The following RBFOX1 variants were observed in gnomAD, a reference collection of about 807,000 sequenced individuals.
RBFOX1 encodes RNA binding fox-1 homolog 1.
A neutral mutation model predicts 57.7 loss-of-function variants in RBFOX1; 8 were observed. That is an observed-to-expected ratio of 0.14 (90% CI 0.08 to 0.25). RBFOX1 has a LOEUF of 0.25. Among genes scored for constraint, RBFOX1 ranks in the 10% least tolerant of loss-of-function variants. The probability of loss-of-function intolerance (pLI) is 1.00; values close to 1 mark genes in which losing one functional copy is unlikely to be tolerated. For missense variants in RBFOX1, 611 were observed against 548.5 expected, an observed-to-expected ratio of 1.11 and a Z score of -1.14; for synonymous variants, 326 against 222.4, an observed-to-expected ratio of 1.47 and a Z score of -4.15.
chr16:5,948,396 C>T (rs1164175234), intron 4 of RBFOX1, among the ~76,000 whole-genome samples: 1 of 152,170 alleles, frequency 6.6e-6, no homozygotes, highest in Admixed American at 6.5e-5. Flanking sequence ...ATTTCTCAGG[C>T]CCACCATAGA....
chr16:5,931,903 G>C (rs1015382818), intron 4 of RBFOX1, among the ~76,000 whole-genome samples: 2 of 152,142 alleles, frequency 1.3e-5, no homozygotes, highest in African/African-American at 4.8e-5. Context: ...GACCTCCTGG[G>C]CTCGAGCATT....
At chr16:5,698,395 C>T (rs1382967980) in intron 3 of RBFOX1, among the ~76,000 whole-genome samples, 3 of 152,036 alleles carry the variant, frequency 2.0e-5, no homozygotes, top group African/African-American at 7.2e-5. Context: ...TTGATCATTA[C>T]TTCTATTTTA....
At chr16:5,987,798 A>G (rs914347610) in intron 4 of RBFOX1, among the ~76,000 whole-genome samples, 2 of 152,150 alleles carry the variant, frequency 1.3e-5, no homozygotes, top group Admixed American at 1.3e-4. Context: ...CAACAGCACC[A>G]TTTACTGAAA....
chr16:6,912,648 C>G (rs961712101), intron 3 of RBFOX1, among the ~76,000 whole-genome samples: 5 of 149,286 alleles, frequency 3.3e-5, no homozygotes, highest in East Asian at 3.9e-4. Flanking sequence ...CAAGGTCTCA[C>G]TGTGTCATCC....
intron 4 of RBFOX1, among the ~76,000 whole-genome samples, chr16:7,253,250 C>T (rs1244809354): frequency 6.6e-6 from 1 of 152,302 alleles, no homozygotes; most frequent in South Asian, 2.1e-4. Flanking sequence ...AGGTATTCTC[C>T]TGGGGGTCAA....
intron 4 of RBFOX1, among the ~76,000 whole-genome samples, chr16:7,230,177 CTTT>C (rs199821368): frequency 4.1e-5 from 6 of 147,056 alleles, no homozygotes; most frequent in Middle Eastern, 3.5e-3. Context: ...ACTCATTTCA[CTTT>C]TTTTTTTAAT....
At chr16:5,977,600 A>T (rs935573457) in intron 4 of RBFOX1, among the ~76,000 whole-genome samples, 1 of 152,188 alleles carries the variant, frequency 6.6e-6, no homozygotes, top group African/African-American at 2.4e-5. Flanking sequence ...TTCTGGGAAC[A>T]ACTGCAAGGC....
At chr16:6,457,006 A>G (rs758686453) in intron 2 of RBFOX1, among the ~76,000 whole-genome samples, 3 of 152,212 alleles carry the variant, frequency 2.0e-5, no homozygotes, top group Non-Finnish European at 2.9e-5. Flanking sequence ...GCAGCTGAGT[A>G]TAAGAATCTC....
At chr16:5,322,291 C>G (rs1207190489) in intron 1 of RBFOX1, among the ~76,000 whole-genome samples, 1 of 152,176 alleles carries the variant, frequency 6.6e-6, no homozygotes, top group Non-Finnish European at 1.5e-5. Flanking sequence ...ATTTCTCAGA[C>G]TGCCTCTCAG....
intron 2 of RBFOX1, among the ~76,000 whole-genome samples, chr16:5,567,619 G>A (rs73526334): frequency 0.06 from 5,820 of 96,730 alleles, 458 homozygotes; most frequent in African/African-American, 0.2. Context: ...TAGTGGGGGG[G>A]TATTCAGGTT....
chr16:7,463,731 C>A (rs34451442), intron 4 of RBFOX1, among the ~76,000 whole-genome samples: 1 of 151,918 alleles, frequency 6.6e-6, no homozygotes, highest in Non-Finnish European at 1.5e-5. Flanking sequence ...TTTGGGGGGC[C>A]GTTCTGCCTA....
chr16:6,603,647 T>A lies in RBFOX1; in HGVS notation c.-63-50956T>A, dbSNP rs2097885142. ...AGCCGCTATGTGCAGCTGGGGGTTA[T>A]GCACCACTAGGCTGACTGTAGTGTG... On this transcript the variant is annotated intron_variant, in intron 2 of 15. Coordinates refer to ENST00000550418, the MANE Select transcript of RBFOX1 (RefSeq NM_018723.4). Among the ~76,000 whole-genome samples the A allele has an allele frequency of 2.6e-5, 4 of 152,276 alleles. No homozygotes were observed. The South Asian group carries it at 8.3e-4, about 32-fold the overall frequency.
At chr16:7,337,186 C>T (rs752047773) in intron 4 of RBFOX1, among the ~76,000 whole-genome samples, 1 of 152,112 alleles carries the variant, frequency 6.6e-6, no homozygotes, top group Non-Finnish European at 1.5e-5. Context: ...AGTGGTATAG[C>T]TGGGATTTGG....
intron 3 of RBFOX1, among the ~76,000 whole-genome samples, chr16:6,701,178 C>G (rs2061790279): frequency 6.6e-6 from 1 of 151,496 alleles, no homozygotes; most frequent in African/African-American, 2.4e-5. Flanking sequence ...GCTGAAATGG[C>G]TGGGACTTTA....
At chr16:5,370,572 A>G (rs2065833004) in intron 1 of RBFOX1, among the ~76,000 whole-genome samples, 1 of 151,392 alleles carries the variant, frequency 6.6e-6, no homozygotes, top group Non-Finnish European at 1.5e-5. Context: ...AGCTCAGCGT[A>G]GCCTCTAATT....
chr16:7,036,202 A>T (rs1186911233), intron 3 of RBFOX1, among the ~76,000 whole-genome samples: 23 of 145,882 alleles, frequency 1.6e-4, no homozygotes, highest in South Asian at 1.3e-3. Flanking sequence ...TCACCTTGAC[A>T]TTTTTTTTTT....
chr16:5,641,127 C>T (rs1010384293), intron 3 of RBFOX1, among the ~76,000 whole-genome samples: 1 of 151,294 alleles, frequency 6.6e-6, no homozygotes, highest in Non-Finnish European at 1.5e-5. Context: ...CATGCATACA[C>T]ACATGCACAC....
At chr16:7,468,170 G>A (rs764123400) in intron 4 of RBFOX1, among the ~76,000 whole-genome samples, 1 of 152,184 alleles carries the variant, frequency 6.6e-6, no homozygotes, top group East Asian at 1.9e-4. Context: ...CAGTAAAGTT[G>A]CTTGGTACAC....
chr16:5,446,071 C>G (rs1382341852), intron 1 of RBFOX1, among the ~76,000 whole-genome samples: 1 of 152,172 alleles, frequency 6.6e-6, no homozygotes, highest in Non-Finnish European at 1.5e-5. Context: ...GCAAGACCCA[C>G]TTGGAGATGT....
Sources: gnomAD v4.1 joint callset for allele counts (sites outside exome capture counted in the v4.1 genomes callset) on GRCh38, gnomAD v4.1.1 for gene constraint, MANE v1.5 for transcripts, NCBI Gene and HGNC (gene_info 2026-07-23, HGNC 2026-07-21) for gene names.